Variants in LRCH4 observed in about 807,000 individuals in gnomAD.
LRCH4 encodes leucine rich repeats and calponin homology domain containing 4, also known as leucine-rich repeat and calponin homology domain-containing protein 4.
A neutral mutation model predicts 81.2 loss-of-function variants in LRCH4; 56 were observed. The observed-to-expected ratio is 0.69, with a 90% CI of 0.56 to 0.86. LRCH4 has a LOEUF of 0.86. Ranked by LOEUF, LRCH4 falls within the 40% of genes least tolerant of loss-of-function variation. The pLI is 0.00. For synonymous variants in LRCH4, 442 were observed against 409.7 expected, an observed-to-expected ratio of 1.08 and a Z score of -0.95; for missense variants, 895 against 922.8, an observed-to-expected ratio of 0.97 and a Z score of 0.39.
intron 4 of LRCH4, among the ~76,000 whole-genome samples, chr7:100,581,343 T>G (rs543987351): frequency 6.6e-6 from 1 of 152,376 alleles, no homozygotes; most frequent in Admixed American, 6.5e-5. Flanking sequence ...TGAAGATTCC[T>G]GGCCTGTAAC....
chr7:100,577,169 G>A lies in LRCH4; in HGVS notation c.1296-15C>T, dbSNP rs753729526. 1.7e-5 allele frequency: 28 copies of A among 1,613,650 alleles called. No homozygotes were observed. In the Admixed American group the frequency reaches 2.3e-4, roughly 13 times the overall value. On this transcript the variant is annotated splice_polypyrimidine_tract_variant and intron_variant, in intron 11 of 17. Transcript: ENST00000310300. The surrounding 1 kb of genome is among the most constrained non-coding windows in gnomAD (Gnocchi z 6.7). Reference sequence around the variant, plus strand: ...GCTTCAAGAGGCTGGAACAAGGAGAGGTGGGGTCAGCTAGCCCCAAGGCAG... The same window carrying A: ...GCTTCAAGAGGCTGGAACAAGGAGAAGTGGGGTCAGCTAGCCCCAAGGCAG...
In LRCH4 at chr7:100,575,281, A is replaced by T. The variant is rs745577563; in HGVS notation, c.1878T>A (p.Asp626Glu). 202 of 1,561,342 alleles carry T rather than the reference A, an allele frequency of 1.3e-4. No individual in the cohort carries two copies. Among genetic ancestry groups the T allele is most frequent in the Non-Finnish European group, 1.7e-4 (197 of 1,150,998 alleles). Residue 626 changes from aspartate (D) to glutamate (E), a missense_variant, in exon 18 of 18, where the codon GAT becomes GAA. Coordinates refer to ENST00000310300, the MANE Select transcript of LRCH4 (RefSeq NM_002319.5). The surrounding 1 kb of genome is among the most constrained non-coding windows in gnomAD (Gnocchi z 5.3). ...GCCCCCGGGCAGTGCCCTGGAGGAG[A>T]TCCGAGGGCGAGCACAGGTCAGCCT... ...VPEADLCSPS[D>E]LLQGTARGLR...
In LRCH4 at chr7:100,575,692, G is replaced by A; in HGVS notation, c.1854+13C>T. On this transcript the variant is annotated intron_variant, in intron 17 of 17. Coordinates refer to ENST00000310300, the MANE Select transcript of LRCH4 (RefSeq NM_002319.5). This position sits in a 1 kb window ranked among gnomAD's most constrained non-coding sequence, Gnocchi z 5.3. ...CCGGCATGCCACCACTCTTTAGAAA[G>A]CAGCCCCCATACCTCAGGCACCCCC... 1 of 1,614,096 alleles carries A rather than the reference G, an allele frequency of 6.2e-7. No homozygotes were observed. The highest frequency in any genetic ancestry group is 8.5e-7 in the Non-Finnish European group (1 of 1,179,930).
chr7:100,577,971 TG>T lies in LRCH4; in HGVS notation c.949-60del, dbSNP rs147314525. On this transcript the variant is annotated intron_variant, in intron 7 of 17. Transcript: ENST00000310300. The surrounding 1 kb of genome is among the most constrained non-coding windows in gnomAD (Gnocchi z 6.7). Reference sequence around the variant, plus strand: ...TCTCTGTACATGGGGGCTCAGGACCTGGGGGGTCCTGTGTGGGACTAAGCTC... The same window carrying T: ...TCTCTGTACATGGGGGCTCAGGACCTGGGGGTCCTGTGTGGGACTAAGCTC... 8.9e-5 allele frequency: 128 copies of T among 1,436,512 alleles called. No homozygotes were observed. In the East Asian group the frequency reaches 2.8e-3, roughly 32 times the overall value. The allele number at this position is 1,436,512 out of a possible 1,614,324, so 89.0% of individuals were successfully genotyped here. A position where few individuals can be genotyped will look rare whatever the true frequency, so the allele number is the denominator to read the frequency against.
At position 100,575,775 on chromosome 7, in the gene LRCH4, A is replaced by C. The variant is rs891784767; in HGVS notation, c.1784T>G (p.Leu595Arg). 1.2e-5 allele frequency: 19 copies of C among 1,609,152 alleles called. No individual in the cohort carries two copies. The highest frequency in any genetic ancestry group is 1.5e-5 in the Non-Finnish European group (18 of 1,176,188). ...ATTCTTCCGAGCCTTGAGGGCACTG[A>C]GTTTTGGCTGGGGTGGGTGAAAGAA... ...IHVPSPAVPKLSALKARKNVE... is the reference protein window; with the variant it reads ...IHVPSPAVPKRSALKARKNVE... The change falls in exon 17 of 18, where the codon CTC becomes CGC. Residue 595 changes from leucine to arginine, a missense_variant. Leu to Arg is a moderately radical substitution (Grantham distance 102). Around this residue, in one of 3 missense-constraint regions of LRCH4, gnomAD observed 529 missense variants for 504.9 expected, o/e 1.05. Transcript: ENST00000310300. The surrounding 1 kb of genome is among the most constrained non-coding windows in gnomAD (Gnocchi z 5.3).
intron 3 of LRCH4, 27 bp from the exon 4 acceptor site, chr7:100,581,909 G>C: frequency 6.2e-7 from 1 of 1,612,760 alleles, no homozygotes; most frequent in South Asian, 1.1e-5. Flanking sequence ...AGTGGGAAGG[G>C]GCCATGAGAC....
rs1222516591 is a variant in LRCH4, at chr7:100,582,481, G to A, written c.221-22C>T. ...AGGTCTGGGGAAAAGGAGGTGTCGG[G>A]GAGAGTTGCGGAAAGGCCCAGCCCG... is the stretch of plus-strand genomic sequence containing the variant. On this transcript the variant is annotated intron_variant, in intron 1 of 17. Transcript: ENST00000310300. The surrounding 1 kb of genome is among the most constrained non-coding windows in gnomAD (Gnocchi z 5.0). The A allele has an allele frequency of 3.1e-6, 5 of 1,599,334 alleles. No individual in the cohort carries two copies. The highest frequency in any genetic ancestry group is 4.2e-6 in the Non-Finnish European group (5 of 1,178,872).
Position 100,575,950 on chromosome 7 carries a change from C to T in LRCH4, c.1697G>A (p.Ser566Asn). Residue 566 changes from serine to asparagine, a missense_variant, in exon 16 of 18, where the codon AGT (serine) becomes AAT (asparagine). Physicochemically the swap from Ser to Asn is conservative, Grantham distance 46 (BLOSUM62 1). Coordinates refer to ENST00000310300, the MANE Select transcript of LRCH4 (RefSeq NM_002319.5). The surrounding 1 kb of genome is among the most constrained non-coding windows in gnomAD (Gnocchi z 5.3). ...LPEDLAEALA[S>N]GVILCQLANQ... ...GGCCAGCTGGCACAGGATGACCCCA[C>T]TGGCCAGAGCCTCGGCCAGGTCCTC... The T allele has an allele frequency of 6.2e-7, 1 of 1,610,350 alleles. No individual in the cohort carries two copies. The highest frequency in any genetic ancestry group is 8.5e-7 in the Non-Finnish European group (1 of 1,178,900).
intron 4 of LRCH4, chr7:100,579,038 C>T (rs907870714): frequency 9.5e-6 from 5 of 525,970 alleles, no homozygotes; most frequent in African/African-American, 3.8e-5. Context: ...AAGGCCCATC[C>T]GGACGTCAGG....
In LRCH4 at chr7:100,575,915, G is replaced by A. The variant is rs367912586; in HGVS notation, c.1732C>T (p.Arg578Trp). Residue 578 changes from arginine (R) to tryptophan (W), a missense_variant, in exon 16 of 18, where the codon CGG becomes TGG. Transcript: ENST00000310300. The surrounding 1 kb of genome is among the most constrained non-coding windows in gnomAD (Gnocchi z 5.3). Reference sequence around the variant, plus strand: ...TGGATGAAGGGCACGGAGCGCGGCCGTAGCTGGTTGGCCAGCTGGCACAGG... The same window carrying A: ...TGGATGAAGGGCACGGAGCGCGGCCATAGCTGGTTGGCCAGCTGGCACAGG... ...VILCQLANQL[R>W]PRSVPFIHVP... The A allele has an allele frequency of 3.0e-5, 49 of 1,612,236 alleles. No homozygotes were observed. The highest frequency in any genetic ancestry group is 1.2e-4 in the South Asian group (11 of 90,940).
At chr7:100,579,170 T>C (rs1217446904) in intron 4 of LRCH4, 3 of 226,738 alleles carry the variant, frequency 1.3e-5, no homozygotes, top group Admixed American at 1.0e-4. Context: ...TCCTGTGACA[T>C]GCAACCAGGG....
At position 100,575,821 on chromosome 7, in the gene LRCH4, G is replaced by A. The variant is rs1267599779; in HGVS notation, c.1777-39C>T. The stretch of plus-strand genomic sequence containing the variant: ...AAGAAGAAAATGTGGTAAGGGAGAG[G>A]CCACAGGCGCCCCGGCCCATCCCCC... On this transcript the variant is annotated intron_variant, in intron 16 of 17. Coordinates refer to ENST00000310300, the MANE Select transcript of LRCH4 (RefSeq NM_002319.5). The surrounding 1 kb of genome is among the most constrained non-coding windows in gnomAD (Gnocchi z 5.3). 3 of 1,608,238 alleles carry A rather than the reference G, an allele frequency of 1.9e-6. No individual in the cohort carries two copies. Among genetic ancestry groups the A allele is most frequent in the Non-Finnish European group, 2.6e-6 (3 of 1,175,948 alleles).
At chr7:100,576,361 C>T in intron 14 of LRCH4, 38 bp from the exon 15 acceptor site, 1 of 1,446,130 alleles carries the variant, frequency 6.9e-7, no homozygotes, top group Non-Finnish European at 9.7e-7. Context: ...GCCTCCACTG[C>T]TCACCACTGA....
At position 100,577,005 on chromosome 7, in the gene LRCH4, G is replaced by A. The variant is rs199833602; in HGVS notation, c.1365C>T (p.Asn455=). 21 of 1,612,904 alleles carry A rather than the reference G, an allele frequency of 1.3e-5. No individual in the cohort carries two copies. Among genetic ancestry groups the A allele is most frequent in the Middle Eastern group, 1.6e-4 (1 of 6,078 alleles). Residue 455 remains asparagine, a splice_region_variant and synonymous_variant, in exon 13 of 18, where the codon AAC becomes AAT. Transcript: ENST00000310300. This position sits in a 1 kb window ranked among gnomAD's most constrained non-coding sequence, Gnocchi z 6.7. The stretch of plus-strand genomic sequence containing the variant: ...GGGAGGCACTGGACTTAGGCGAGCC[G>A]CTGAGGAGAGACAGAAGGGAATTAG... ...AAAVSTQAMH[N]GSPKSSASQA...
Position 100,574,582 on chromosome 7 carries a change from C to G in LRCH4, c.*525G>C, listed in dbSNP as rs770117081. The stretch of plus-strand genomic sequence containing the variant: ...CTCAGGAGGGAGATGCTGGTGGGCA[C>G]AGAGCCATGGCCACAGCCACCAACA... On this transcript the variant is annotated 3_prime_UTR_variant, in exon 18 of 18. Coordinates refer to ENST00000310300, the MANE Select transcript of LRCH4 (RefSeq NM_002319.5). The G allele has an allele frequency of 1.3e-5, 2 of 152,186 alleles. No homozygotes were observed. The highest frequency in any genetic ancestry group is 4.9e-5 in the African/African-American group (2 of 40,506). The allele number at this position is 152,186 out of a possible 1,614,324, so 9.4% of individuals were successfully genotyped here. A position where few individuals can be genotyped will look rare whatever the true frequency, so the allele number is the denominator to read the frequency against.
At position 100,577,165 on chromosome 7, in the gene LRCH4, G is replaced by A. The variant is rs755717189; in HGVS notation, c.1296-11C>T. 6.2e-7 allele frequency: 1 copy of A among 1,613,848 alleles called. No homozygotes were observed. The highest frequency in any genetic ancestry group is 1.3e-5 in the African/African-American group (1 of 75,054). On this transcript the variant is annotated splice_polypyrimidine_tract_variant and intron_variant, in intron 11 of 17. Coordinates refer to ENST00000310300, the MANE Select transcript of LRCH4 (RefSeq NM_002319.5). The surrounding 1 kb of genome is among the most constrained non-coding windows in gnomAD (Gnocchi z 6.7). ...CCTGGCTTCAAGAGGCTGGAACAAGGAGAGGTGGGGTCAGCTAGCCCCAAG... is the reference window on the plus strand; with the variant it reads ...CCTGGCTTCAAGAGGCTGGAACAAGAAGAGGTGGGGTCAGCTAGCCCCAAG...
chr7:100,576,622 AG>A, intron 14 of LRCH4, 71 bp downstream of exon 14: 2 of 1,334,052 alleles, frequency 1.5e-6, no homozygotes, highest in Non-Finnish European at 2.1e-6. Context: ...GAGGGCTCCC[AG>A]GGCAGAAGGG....
intron 14 of LRCH4, 78 bp from the exon 15 acceptor site, chr7:100,576,401 C>T (rs918680599): frequency 2.1e-6 from 2 of 964,796 alleles, no homozygotes; most frequent in African/African-American, 1.6e-5. Flanking sequence ...TGGCCTGGCA[C>T]CTACACCTCC....
chr7:100,581,550 G>T, intron 4 of LRCH4: 1 of 476,100 alleles, frequency 2.1e-6, no homozygotes, highest in Non-Finnish European at 3.8e-6. Flanking sequence ...TCTGCTCTCC[G>T]CCATCGGAGA....
Sources: gnomAD v4.1 joint callset for allele counts (sites outside exome capture counted in the v4.1 genomes callset) on GRCh38, gnomAD v4.1.1 for gene constraint, gnomAD v4.1.1 regional missense constraint, Gnocchi (gnomAD v3.1) non-coding constraint, MANE v1.5 for transcripts, NCBI Gene and HGNC (gene_info 2026-07-23, HGNC 2026-07-21) for gene names.